Variants in MED13L observed in about 807,000 individuals in gnomAD.
MED13L encodes mediator of RNA polymerase II transcription subunit 13-like.
MED13L carries 7 observed loss-of-function variants against 220.9 expected under a neutral mutation model. That is an observed-to-expected ratio of 0.03 (90% CI 0.02 to 0.06). MED13L has a LOEUF of 0.06. MED13L is among the 10% of genes least tolerant of loss of function. MED13L has a pLI of 1.00. For missense variants in MED13L, 1,965 were observed against 2,760.5 expected, an observed-to-expected ratio of 0.71 and a Z score of 6.46; for synonymous variants, 1,011 against 1,015.2, an observed-to-expected ratio of 1.00 and a Z score of 0.08.
At chr12:116,218,563 AT>A (rs940936114) in intron 2 of MED13L, among the ~76,000 whole-genome samples, 66 of 146,762 alleles carry the variant, frequency 4.5e-4, no homozygotes, top group African/African-American at 5.7e-4. Flanking sequence ...TTTAACCAGC[AT>A]TTTTTTTTTT....
intron 4 of MED13L, among the ~76,000 whole-genome samples, chr12:116,057,158 C>T (rs994846679): frequency 1.3e-5 from 2 of 152,092 alleles, no homozygotes; most frequent in Admixed American, 1.3e-4. Flanking sequence ...TTGGCTAACA[C>T]CTGAAGGAAT....
chr12:116,199,329 C>G (rs1022883222), intron 2 of MED13L, among the ~76,000 whole-genome samples: 1 of 152,184 alleles, frequency 6.6e-6, no homozygotes, highest in Admixed American at 6.5e-5. Flanking sequence ...CAATCTCAGC[C>G]ATTTCTGCTT....
intron 2 of MED13L, among the ~76,000 whole-genome samples, chr12:116,114,712 G>A (rs954819411): frequency 6.6e-6 from 1 of 151,992 alleles, no homozygotes; most frequent in South Asian, 2.1e-4. Flanking sequence ...AAATCCTAAA[G>A]AATTAACAGA....
intron 16 of MED13L, among the ~76,000 whole-genome samples, 190 bp from the exon 17 acceptor site, chr12:115,992,147 G>A (rs1281018249): frequency 2.0e-5 from 3 of 151,294 alleles, no homozygotes; most frequent in Admixed American, 1.3e-4. Context: ...AGTGTGTAGA[G>A]AAGAAGAAAG....
intron 2 of MED13L, among the ~76,000 whole-genome samples, chr12:116,130,179 C>A (rs1204915338): frequency 6.6e-6 from 1 of 152,116 alleles, no homozygotes; most frequent in Non-Finnish European, 1.5e-5. Context: ...TGAAAGTGAT[C>A]ATACTTGTAT....
chr12:115,964,885 T>C (rs1156659424), intron 29 of MED13L, among the ~76,000 whole-genome samples: 17 of 152,230 alleles, frequency 1.1e-4, no homozygotes, highest in Admixed American at 1.1e-3. Flanking sequence ...ACCACATTCG[T>C]GGCAACAGAG....
intron 2 of MED13L, among the ~76,000 whole-genome samples, chr12:116,234,140 TA>T (rs1869840893): frequency 6.6e-6 from 1 of 151,928 alleles, no homozygotes; most frequent in Non-Finnish European, 1.5e-5. Flanking sequence ...TAAGAAACAA[TA>T]AAATGCCTCT....
At chr12:116,124,152 C>CAGAGACAGAGACAGAGACAGAG (rs1875364184) in intron 2 of MED13L, among the ~76,000 whole-genome samples, 1 of 108,692 alleles carries the variant, frequency 9.2e-6, no homozygotes, top group African/African-American at 3.1e-5. Flanking sequence ...GAGAGAGAGA[C>CAGAGACAGAGACAGAGACAGAG]AGAGACAGAG....
At chr12:116,068,543 G>A (rs1316675388) in intron 4 of MED13L, among the ~76,000 whole-genome samples, 1 of 152,118 alleles carries the variant, frequency 6.6e-6, no homozygotes, top group African/African-American at 2.4e-5. Context: ...CAGATTGTGG[G>A]AAACAGGATG....
At chr12:116,229,105 T>G (rs1869295753) in intron 2 of MED13L, among the ~76,000 whole-genome samples, 1 of 152,150 alleles carries the variant, frequency 6.6e-6, no homozygotes, top group Non-Finnish European at 1.5e-5. Context: ...TCTTAAAGTT[T>G]TCTATGAAAG....
intron 2 of MED13L, among the ~76,000 whole-genome samples, chr12:116,172,217 A>G (rs577779449): frequency 1.3e-5 from 2 of 152,298 alleles, no homozygotes; most frequent in South Asian, 4.1e-4. Context: ...GCTTACTTCT[A>G]ATCAATGACT....
chr12:116,231,531 G>A (rs918846529), intron 2 of MED13L, among the ~76,000 whole-genome samples: 1 of 152,144 alleles, frequency 6.6e-6, no homozygotes, highest in African/African-American at 2.4e-5. Flanking sequence ...TTCTAAATGA[G>A]AGGACACAAG....
intron 2 of MED13L, among the ~76,000 whole-genome samples, chr12:116,158,242 T>G (rs985483486): frequency 1.3e-5 from 2 of 151,614 alleles, no homozygotes; most frequent in Non-Finnish European, 2.9e-5. Flanking sequence ...AAACCTAGGA[T>G]GACTTCAACT....
At chr12:116,035,811 G>T (rs1011624984) in intron 4 of MED13L, among the ~76,000 whole-genome samples, 1 of 151,776 alleles carries the variant, frequency 6.6e-6, no homozygotes, top group South Asian at 2.1e-4. Flanking sequence ...GGATCGTCTC[G>T]AAGGACCCAC....
intron 2 of MED13L, among the ~76,000 whole-genome samples, chr12:116,124,352 C>A (rs1463659487): frequency 6.6e-6 from 1 of 152,104 alleles, no homozygotes; most frequent in African/African-American, 2.4e-5. Flanking sequence ...TTCTATAAAT[C>A]CAATTTTTTG....
intron 1 of MED13L, among the ~76,000 whole-genome samples, chr12:116,268,580 G>C (rs978093950): frequency 2.6e-5 from 4 of 151,278 alleles, no homozygotes; most frequent in Non-Finnish European, 5.9e-5. Flanking sequence ...GAGGCCAGGA[G>C]TTTGAAACCG....
rs1879216909 is a variant in MED13L at position 116,008,844 on chromosome 12, C to G, written c.1569G>C (p.Arg523Ser). 1 of 1,614,036 alleles carries G rather than the reference C, an allele frequency of 6.2e-7. No individual in the cohort carries two copies. The highest frequency in any genetic ancestry group is 8.5e-7 in the Non-Finnish European group (1 of 1,179,980). Residue 523 changes from arginine (R) to serine (S), a missense_variant, in exon 10 of 31, where the codon AGG (arginine) becomes AGC (serine). Arg to Ser is a moderately radical substitution (Grantham distance 110). This residue lies in a region of MED13L where 818 missense variants were observed against 1,041.2 expected (regional missense o/e 0.79). Coordinates refer to ENST00000281928, the MANE Select transcript of MED13L (RefSeq NM_015335.5). ...IDSSLEVSSS[R>S]KYDKQMAVPS... ...GCACGGCCATTTGCTTATCATATTT[C>G]CTACTGCTAGACACCTCTAAGGAGG...
chr12:115,984,456 C>T (rs1307561714), intron 19 of MED13L, 84 bp from the exon 20 acceptor site: 11 of 1,438,762 alleles, frequency 7.6e-6, no homozygotes, highest in Non-Finnish European at 1.1e-5. Context: ...GATTCTTTAA[C>T]ATACATATGG....
chr12:116,047,128 T>C (rs1347585797), intron 4 of MED13L, among the ~76,000 whole-genome samples: 6 of 152,068 alleles, frequency 3.9e-5, no homozygotes, highest in South Asian at 2.1e-4. Flanking sequence ...AGCGGGGAGA[T>C]TGCTTGAGGC....
Sources: gnomAD v4.1 joint callset for allele counts (sites outside exome capture counted in the v4.1 genomes callset) on GRCh38, gnomAD v4.1.1 for gene constraint, gnomAD v4.1.1 regional missense constraint, MANE v1.5 for transcripts, NCBI Gene and HGNC (gene_info 2026-07-23, HGNC 2026-07-21) for gene names.